The following URB1 variants were observed in gnomAD, a reference collection of about 807,000 sequenced individuals.
URB1 encodes nucleolar pre-ribosomal-associated protein 1.
Under a neutral mutation model 242.3 loss-of-function variants are expected in URB1, and 197 were observed. The observed-to-expected ratio is 0.81, with a 90% CI of 0.72 to 0.91. URB1 has a LOEUF of 0.91. Ranked by LOEUF, URB1 falls within the 40% of genes least tolerant of loss-of-function variation. The pLI is 0.00. For synonymous variants in URB1, 1,153 were observed against 1,201.8 expected (o/e 0.96, Z 0.84); for missense variants, 2,721 against 2,860.5 (o/e 0.95, Z 1.11).
At position 32,384,384 on chromosome 21, in the gene URB1, G is replaced by C; in HGVS notation, c.363C>G (p.Thr121=). 6.4e-7 allele frequency: 1 copy of C among 1,552,218 alleles called. No homozygotes were observed. Among genetic ancestry groups the C allele is most frequent in the Non-Finnish European group, 8.7e-7 (1 of 1,147,096 alleles). Residue 121 remains threonine, a synonymous_variant, in exon 3 of 39, where the codon ACC becomes ACG. Transcript: ENST00000382751. ...SDLSHFHVVG[T]NIVKKLMNNH... ...TGTTCATCAGCTTTTTCACAATGTT[G>C]GTTCCCACAACATGGAAATGTGAAA...
At chr21:32,352,954 CT>C in intron 18 of URB1, 48 bp from the exon 19 acceptor site, 2 of 1,485,536 alleles carry the variant, frequency 1.3e-6, no homozygotes, top group Non-Finnish European at 1.8e-6. Context: ...TGGGCCCACC[CT>C]TCTGTGACCT....
chr21:32,374,333 A>T (rs1013269000), intron 6 of URB1, among the ~76,000 whole-genome samples: 4 of 152,120 alleles, frequency 2.6e-5, no homozygotes, highest in Non-Finnish European at 4.4e-5. Flanking sequence ...GCTCCACCCA[A>T]ACCTAACCCC....
At chr21:32,355,791 A>G (rs1360438211) in intron 15 of URB1, among the ~76,000 whole-genome samples, 1 of 152,092 alleles carries the variant, frequency 6.6e-6, no homozygotes, top group East Asian at 1.9e-4. Context: ...CTAATTTTTT[A>G]GCAGAGACAA....
chr21:32,334,371 G>GC (rs1158333417), intron 28 of URB1, 37 bp from the exon 29 acceptor site: 9 of 1,517,610 alleles, frequency 5.9e-6, no homozygotes, highest in East Asian at 5.0e-5. Flanking sequence ...TGGTCACAGA[G>GC]CCCCCCGGGA....
rs78856524 is a variant in URB1, at chr21:32,379,493, G to C, written c.568-952C>G. Among the ~76,000 whole-genome samples the C allele has an allele frequency of 6.4e-4, 98 of 152,334 alleles. 1 individual carries two copies. The highest frequency in any genetic ancestry group is 5.4e-3 in the Admixed American group (82 of 15,308). On this transcript the variant is annotated intron_variant, in intron 4 of 38. Transcript: ENST00000382751. ...TAATCTCTGCCTTCCAGATAGTTCT[G>C]TTCCACTTAGTAGTAGCAGGAGAGG...
At position 32,311,928 on chromosome 21, in the gene URB1, G is replaced by A. The variant is rs773835535; in HGVS notation, c.*2990C>T. The A allele has an allele frequency of 1.9e-6, 3 of 1,613,720 alleles. No individual in the cohort carries two copies. The East Asian group carries it at 6.7e-5, about 36-fold the overall frequency. On this transcript the variant is annotated 3_prime_UTR_variant, in exon 39 of 39. Transcript: ENST00000382751. ...CCTCTGGGAACTGACCCTCAATGGGGGTCCCCTCGTCAGGAGCAAGCCCAG... is the reference window on the plus strand; with the variant it reads ...CCTCTGGGAACTGACCCTCAATGGGAGTCCCCTCGTCAGGAGCAAGCCCAG...
In URB1 at chr21:32,321,882, G is replaced by A. The variant is rs1219334859; in HGVS notation, c.5403C>T (p.Cys1801=). ...TGCCACGCCGGGCACACAGTTCGTAGCACTGCTTGTCACGGATCCCCTGCC... is the reference window on the plus strand; with the variant it reads ...TGCCACGCCGGGCACACAGTTCGTAACACTGCTTGTCACGGATCCCCTGCC... ...VLRQGIRDKQ[C]YELCARRGIF... The change falls in exon 34 of 39, where the codon TGC becomes TGT. Residue 1801 remains cysteine (C), a synonymous_variant. Coordinates refer to ENST00000382751, the MANE Select transcript of URB1 (RefSeq NM_014825.3). The A allele has an allele frequency of 6.4e-7, 1 of 1,551,700 alleles. No homozygotes were observed. Among genetic ancestry groups the A allele is most frequent in the Non-Finnish European group, 8.7e-7 (1 of 1,146,990 alleles).
At chr21:32,361,218 T>G in intron 12 of URB1, 95 bp from the exon 13 acceptor site, 3 of 389,850 alleles carry the variant, frequency 7.7e-6, no homozygotes, top group Non-Finnish European at 1.1e-5. Flanking sequence ...TAGCTTGAAT[T>G]AGAAAACATA....
At chr21:32,390,543 T>C (rs2033626921) in intron 1 of URB1, among the ~76,000 whole-genome samples, 2 of 152,122 alleles carry the variant, frequency 1.3e-5, no homozygotes, top group Non-Finnish European at 2.9e-5. Context: ...GATGAGTAGA[T>C]TGCAAAAATT....
intron 30 of URB1, chr21:32,333,073 A>G (rs986917173): frequency 2.0e-6 from 1 of 488,248 alleles, no homozygotes; most frequent in Admixed American, 3.7e-5. Context: ...ATCAAAGACA[A>G]TTGGACATTT....
In URB1 at chr21:32,314,843, T is replaced by C; in HGVS notation, c.*75A>G. ...CATGCCTTCTCTGGAAACCCTTGAC[T>C]CAACCAAACTTCTAGAAGCTGGTGC... On this transcript the variant is annotated 3_prime_UTR_variant, in exon 39 of 39. Transcript: ENST00000382751. 1 of 1,513,316 alleles carries C rather than the reference T, an allele frequency of 6.6e-7. No homozygotes were observed. The highest frequency in any genetic ancestry group is 8.9e-7 in the Non-Finnish European group (1 of 1,126,646). 93.7% of individuals were successfully genotyped at this position (1,513,316 alleles called of 1,614,324 possible).
In URB1 at chr21:32,322,532, C is replaced by T; in HGVS notation, c.5286G>A (p.Leu1762=). ...VSNFLLSHEY[L]NMDKVPGFYQ... Reference sequence around the variant, plus strand: ...AGAAGCCTGGCACTTTGTCCATGTTCAAGTACTCATGCGACAGCAGGAAGT... The same window carrying T: ...AGAAGCCTGGCACTTTGTCCATGTTTAAGTACTCATGCGACAGCAGGAAGT... The change falls in exon 33 of 39, where the codon TTG becomes TTA. Residue 1762 remains leucine, a synonymous_variant. Transcript: ENST00000382751. 6.4e-7 allele frequency: 1 copy of T among 1,552,264 alleles called. No individual in the cohort carries two copies. Among genetic ancestry groups the T allele is most frequent in the Non-Finnish European group, 8.7e-7 (1 of 1,147,116 alleles).
chr21:32,316,774 G>A lies in URB1; in HGVS notation c.6326C>T (p.Ala2109Val), dbSNP rs1394344945. ...LAVSWVLRSVAEHPLSRAEAA... is the reference protein window; with the variant it reads ...LAVSWVLRSVVEHPLSRAEAA... ...CTCTGCCCTGCTGAGCGGGTGCTCGGCCACCGACCGCAGCACCCAACTGAC... is the reference window on the plus strand; with the variant it reads ...CTCTGCCCTGCTGAGCGGGTGCTCGACCACCGACCGCAGCACCCAACTGAC... Residue 2109 changes from alanine (A) to valine (V), a missense_variant, in exon 38 of 39, where the codon GCC (alanine) becomes GTC (valine). By Grantham distance (64) the Ala-to-Val change is moderately conservative (BLOSUM62 0). Coordinates refer to ENST00000382751, the MANE Select transcript of URB1 (RefSeq NM_014825.3). The A allele has an allele frequency of 1.9e-6, 3 of 1,549,722 alleles. No homozygotes were observed. In the African/African-American group the frequency reaches 4.1e-5, roughly 21 times the overall value.
At chr21:32,350,958 A>G (rs1402209629) in intron 19 of URB1, 36 bp from the exon 20 acceptor site, 1 of 1,526,738 alleles carries the variant, frequency 6.5e-7, no homozygotes, top group Admixed American at 2.0e-5. Flanking sequence ...GAAGAGAAAG[A>G]CACATCACCA....
chr21:32,349,829 T>C (rs2033136516), intron 20 of URB1, among the ~76,000 whole-genome samples: 1 of 151,036 alleles, frequency 6.6e-6, no homozygotes, highest in African/African-American at 2.4e-5. Context: ...GCTCAGTGGC[T>C]CACGCCTGTA....
chr21:32,353,321 C>T lies in URB1; in HGVS notation c.2417-415G>A, dbSNP rs568119367. Among the ~76,000 whole-genome samples the T allele has an allele frequency of 2.0e-5, 3 of 152,296 alleles. No individual in the cohort carries two copies. In the East Asian group the frequency reaches 5.8e-4, roughly 29 times the overall value. On this transcript the variant is annotated intron_variant, in intron 18 of 38. Coordinates refer to ENST00000382751, the MANE Select transcript of URB1 (RefSeq NM_014825.3). ...CTTGACTGTCCACCCTTTCCAGTTCCCTTTCCATGGTGATCTTGGAAGCCA... is the reference window on the plus strand; with the variant it reads ...CTTGACTGTCCACCCTTTCCAGTTCTCTTTCCATGGTGATCTTGGAAGCCA...
intron 28 of URB1, among the ~76,000 whole-genome samples, chr21:32,336,030 G>A (rs996204925): frequency 2.0e-5 from 3 of 152,052 alleles, no homozygotes; most frequent in Non-Finnish European, 4.4e-5. Context: ...GATAAAACCC[G>A]CCTCCGACTT....
chr21:32,371,779 A>C (rs975670720), intron 8 of URB1, among the ~76,000 whole-genome samples: 2 of 152,298 alleles, frequency 1.3e-5, no homozygotes, highest in African/African-American at 4.8e-5. Flanking sequence ...AAGTGGGAAA[A>C]AAGCAGATAG....
intron 9 of URB1, among the ~76,000 whole-genome samples, chr21:32,367,302 C>T (rs538205428): frequency 3.6e-4 from 55 of 152,270 alleles, no homozygotes; most frequent in African/African-American, 1.2e-3. Context: ...CACACACTCA[C>T]CCCTCCCCTA....
Sources: allele counts gnomAD v4.1 joint callset (sites outside exome capture counted in the v4.1 genomes callset), GRCh38; gene constraint gnomAD v4.1.1; transcripts MANE v1.5; gene names NCBI Gene and HGNC (gene_info 2026-07-23, HGNC 2026-07-21).